Variants in AZIN1 observed in about 807,000 individuals in gnomAD.
AZIN1 encodes the protein antizyme inhibitor 1, also known as ornithine decarboxylase antizyme inhibitor.
A neutral mutation model predicts 47.4 loss-of-function variants in AZIN1; 12 were observed. The observed-to-expected ratio is 0.25, with a 90% confidence interval of 0.16 to 0.41. AZIN1 has a LOEUF of 0.41. Ranked by LOEUF, AZIN1 falls within the 10% of genes least tolerant of loss-of-function variation. AZIN1 has a pLI of 1.00. For synonymous variants in AZIN1, 155 were observed against 176.3 expected (o/e 0.88, Z 0.96); for missense variants, 410 against 532.4 (o/e 0.77, Z 2.26).
chr8:102,829,882 A>G lies in AZIN1; in HGVS notation c.959T>C (p.Val320Ala). 1 of 1,613,632 alleles carries G rather than the reference A, an allele frequency of 6.2e-7. No individual in the cohort carries two copies. The highest frequency in any genetic ancestry group is 8.5e-7 in the Non-Finnish European group (1 of 1,179,850). The change falls in exon 10 of 12, where the codon GTT (valine) becomes GCT (alanine). Residue 320 changes from valine (V) to alanine (A), a missense_variant. By Grantham distance (64) the Val-to-Ala change is moderately conservative (BLOSUM62 0). Around this residue, in one of 3 missense-constraint regions of AZIN1, gnomAD observed 168 missense variants for 198.3 expected, o/e 0.85. Transcript: ENST00000337198. Reference protein sequence around the residue: ...PAFMYYMNDGVYGSFASKLSE... With the variant: ...PAFMYYMNDGAYGSFASKLSE... ...CAGTTTACTTGCAAAAGAACCATAA[A>G]CACCATCATTCATATAATACATGAA... is the stretch of plus-strand genomic sequence containing the variant.
intron 1 of AZIN1, among the ~76,000 whole-genome samples, chr8:102,861,762 G>C (rs1194061549): frequency 1.3e-5 from 2 of 151,978 alleles, no homozygotes; most frequent in Non-Finnish European, 2.9e-5. Context: ...ATCAAGATCA[G>C]CCGGGCGCAG....
chr8:102,834,274 A>C lies in AZIN1; in HGVS notation c.667-11T>G. On this transcript the variant is annotated splice_polypyrimidine_tract_variant and intron_variant, in intron 7 of 11. Coordinates refer to ENST00000337198, the MANE Select transcript of AZIN1 (RefSeq NM_148174.4). ...AAAGCCAATTTCTCCCTAGAGATGG[A>C]AAAAAAAAATTTAAATGTTTTTCCA... 6.5e-7 allele frequency: 1 copy of C among 1,537,048 alleles called. No homozygotes were observed.
intron 3 of AZIN1, 69 bp downstream of exon 3, chr8:102,843,482 G>T: frequency 7.3e-7 from 1 of 1,367,462 alleles, no homozygotes. Flanking sequence ...TTACCATCTT[G>T]GAAATTAAAA....
intron 2 of AZIN1, among the ~76,000 whole-genome samples, chr8:102,856,713 A>C (rs1586206732): frequency 6.6e-6 from 1 of 152,368 alleles, no homozygotes; most frequent in East Asian, 1.9e-4. Context: ...AAAAGGTTTT[A>C]TATCTCCAAG....
intron 2 of AZIN1, among the ~76,000 whole-genome samples, chr8:102,846,869 C>T (rs28391319): frequency 0.061 from 9,278 of 152,218 alleles, 955 homozygotes; most frequent in African/African-American, 0.21. Context: ...CAACCACTGA[C>T]CAGCTTCTTG....
Position 102,864,147 on chromosome 8 carries a change from T to A in AZIN1, c.-574A>T, listed in dbSNP as rs1368736430. 3 of 171,942 alleles carry A rather than the reference T, an allele frequency of 1.7e-5. No homozygotes were observed. The highest frequency in any genetic ancestry group is 4.8e-5 in the African/African-American group (2 of 41,526). The allele number at this position is 171,942 out of a possible 1,614,324, so 10.7% of individuals were successfully genotyped here. A position where few individuals can be genotyped will look rare whatever the true frequency, so the allele number is the denominator to read the frequency against. ...AAAAAAGGAAAAACTGCGGCCGCGA[T>A]CAGAGCCTGAAAGTGTGAGAAGGCG... On this transcript the variant is annotated 5_prime_UTR_variant, in exon 1 of 12. Transcript: ENST00000337198.
rs1459262109 is a variant in AZIN1, at chr8:102,829,343, AGAATCT to A, written c.1158_1163del (p.Asp387_Ser388del). On this transcript the variant is annotated inframe_deletion, in exon 11 of 12. Coordinates refer to ENST00000337198, the MANE Select transcript of AZIN1 (RefSeq NM_148174.4). Reference sequence around the variant, plus strand: ...CATTAAAAGCAGATGGTTCATGGAAAGAATCTGCTCCCATGTTATCAAAGATAAGCC... The same window carrying A: ...CATTAAAAGCAGATGGTTCATGGAAAGCTCCCATGTTATCAAAGATAAGCC... 3 of 1,614,056 alleles carry A rather than the reference AGAATCT, an allele frequency of 1.9e-6. No individual in the cohort carries two copies. In the East Asian group the frequency reaches 6.7e-5, roughly 36 times the overall value.
chr8:102,844,694 G>C (rs1362473754), intron 2 of AZIN1, among the ~76,000 whole-genome samples: 1 of 150,964 alleles, frequency 6.6e-6, no homozygotes, highest in Non-Finnish European at 1.5e-5. Flanking sequence ...GTGCTGGCTA[G>C]AATAGAGCTA....
chr8:102,844,335 C>T (rs560691033), intron 2 of AZIN1, among the ~76,000 whole-genome samples: 4 of 144,656 alleles, frequency 2.8e-5, no homozygotes, highest in South Asian at 2.3e-4. Flanking sequence ...AGCAAGACTC[C>T]GTCTCTCCTA....
intron 9 of AZIN1, 34 bp from the exon 10 acceptor site, chr8:102,829,970 T>G: frequency 7.4e-7 from 1 of 1,343,164 alleles, no homozygotes; most frequent in Non-Finnish European, 1.1e-6. Context: ...AAATGAATTT[T>G]TAATAAAATG....
intron 9 of AZIN1, among the ~76,000 whole-genome samples, chr8:102,830,765 G>C (rs1025557385): frequency 6.6e-6 from 1 of 152,092 alleles, no homozygotes; most frequent in African/African-American, 2.4e-5. Context: ...CTACTGACTG[G>C]ATCAACTTAA....
chr8:102,861,781 G>A lies in AZIN1; in HGVS notation c.-234+2026C>T, dbSNP rs570167610. Among the ~76,000 whole-genome samples the A allele has an allele frequency of 2.6e-5, 4 of 151,944 alleles. No individual in the cohort carries two copies. The South Asian group carries it at 8.4e-4, about 32-fold the overall frequency. ...AGATCAGCCGGGCGCAGTGGCTCAC[G>A]CTTGTAATCCCAGCACTCTGGGAGG... On this transcript the variant is annotated intron_variant, in intron 1 of 11. Transcript: ENST00000337198.
intron 2 of AZIN1, among the ~76,000 whole-genome samples, chr8:102,847,809 G>A (rs1037523282): frequency 1.3e-5 from 2 of 152,048 alleles, no homozygotes; most frequent in Admixed American, 1.3e-4. Context: ...GCCCCAGGCT[G>A]GTCTCAAGCT....
chr8:102,858,337 A>C (rs572683198), intron 1 of AZIN1, among the ~76,000 whole-genome samples, 187 bp from the exon 2 acceptor site: 61 of 152,332 alleles, frequency 4.0e-4, no homozygotes, highest in Non-Finnish European at 6.5e-4. Context: ...AACATTTCCA[A>C]GCTGCTATAA....
At chr8:102,834,044 G>T in intron 8 of AZIN1, 145 bp downstream of exon 8, 1 of 589,408 alleles carries the variant, frequency 1.7e-6, no homozygotes, top group South Asian at 2.6e-5. Flanking sequence ...TCTACTAACT[G>T]CCTATTCCTT....
rs151234488 is a variant in AZIN1, at chr8:102,848,155, G to C, written c.-95-4408C>G. Among the ~76,000 whole-genome samples the C allele has an allele frequency of 1.4e-3, 219 of 152,218 alleles. 2 individuals carry two copies. The highest frequency in any genetic ancestry group is 0.014 in the South Asian group (67 of 4,820). ...AGCAGTAAGCTACACCATACAGCTT[G>C]GGTGTGTCGTAGGCTGTACTATCTA... is the stretch of plus-strand genomic sequence containing the variant. On this transcript the variant is annotated intron_variant, in intron 2 of 11. Transcript: ENST00000337198.
At chr8:102,857,065 T>A (rs1188730728) in intron 2 of AZIN1, among the ~76,000 whole-genome samples, 1 of 152,202 alleles carries the variant, frequency 6.6e-6, no homozygotes, top group African/African-American at 2.4e-5. Context: ...TTTACACAGG[T>A]AGGAGAAAGC....
At chr8:102,838,479 C>T (rs1448653652) in intron 5 of AZIN1, among the ~76,000 whole-genome samples, 1 of 152,184 alleles carries the variant, frequency 6.6e-6, no homozygotes, top group Non-Finnish European at 1.5e-5. Context: ...TTGATTATCA[C>T]ACCAACTATC....
At chr8:102,862,567 C>T (rs912258278) in intron 1 of AZIN1, among the ~76,000 whole-genome samples, 11 of 152,092 alleles carry the variant, frequency 7.2e-5, no homozygotes, top group African/African-American at 2.4e-4. Context: ...TTATGAGGGC[C>T]TTTCTAGACA....
Sources: allele counts gnomAD v4.1 joint callset (sites outside exome capture counted in the v4.1 genomes callset), GRCh38; gene constraint gnomAD v4.1.1; regional missense constraint gnomAD v4.1.1; transcripts MANE v1.5; gene names NCBI Gene and HGNC (gene_info 2026-07-23, HGNC 2026-07-21).